C8orf34: variants seen among roughly 807,000 people sequenced by gnomAD.
C8orf34 encodes uncharacterized protein C8orf34.
C8orf34 carries 65 observed loss-of-function variants against 68.3 expected under a neutral mutation model. The ratio of observed to expected loss-of-function variants is 0.95; its 90% CI spans 0.78 to 1.17. The LOEUF is 1.17. Ranked by LOEUF, C8orf34 falls within the 50% of genes most tolerant of loss-of-function variation. C8orf34 has a pLI of 0.00. For synonymous variants in C8orf34, 244 were observed against 241.2 expected (o/e 1.01, Z -0.11); for missense variants, 664 against 655.4 (o/e 1.01, Z -0.14).
intron 8 of C8orf34, among the ~76,000 whole-genome samples, chr8:68,666,702 C>A (rs1221099834): frequency 6.6e-6 from 1 of 152,080 alleles, no homozygotes; most frequent in Non-Finnish European, 1.5e-5. Context: ...ATAAAATTTG[C>A]TTGCGTGTAT....
Position 68,387,487 on chromosome 8 carries a change from G to A in C8orf34, c.328-52012G>A, listed in dbSNP as rs143976949. ...AGGTATGGGCAAGGATGATCCTGAA[G>A]TTTCAAATATGGATTAAAAAGATAA... is the stretch of plus-strand genomic sequence containing the variant. On this transcript the variant is annotated intron_variant, in intron 1 of 13. Coordinates refer to ENST00000518698, the MANE Select transcript of C8orf34 (RefSeq NM_052958.4). Among the ~76,000 whole-genome samples the A allele has an allele frequency of 1.5e-3, 231 of 152,240 alleles. 1 individual carries two copies. The highest frequency in any genetic ancestry group is 5.3e-3 in the African/African-American group (220 of 41,540).
At chr8:68,709,799 CAA>C (rs1439988078) in intron 9 of C8orf34, among the ~76,000 whole-genome samples, 1 of 152,046 alleles carries the variant, frequency 6.6e-6, no homozygotes. Flanking sequence ...AGCAAACAAA[CAA>C]TATCAGAGCA....
At chr8:68,523,473 T>C (rs1257717436) in intron 6 of C8orf34, among the ~76,000 whole-genome samples, 4 of 152,186 alleles carry the variant, frequency 2.6e-5, no homozygotes, top group African/African-American at 9.6e-5. Flanking sequence ...ACTCAGTCCA[T>C]GAACCTGTCT....
chr8:68,405,327 GT>G (rs577563309), intron 1 of C8orf34, among the ~76,000 whole-genome samples: 66 of 152,050 alleles, frequency 4.3e-4, no homozygotes, highest in Non-Finnish European at 7.2e-4. Flanking sequence ...TAAGAGTTTG[GT>G]TTATTCTCAG....
intron 1 of C8orf34, among the ~76,000 whole-genome samples, chr8:68,347,604 C>T (rs1339877029): frequency 6.6e-6 from 1 of 152,100 alleles, no homozygotes; most frequent in Non-Finnish European, 1.5e-5. Context: ...CCCTTTTCTC[C>T]ACAACCTCAC....
In C8orf34 at chr8:68,345,756, TA is replaced by T. The variant is rs145697365; in HGVS notation, c.327+14418del. Among the ~76,000 whole-genome samples the T allele has an allele frequency of 7.9e-3, 1,202 of 152,088 alleles. 19 individuals carry two copies. Among genetic ancestry groups the T allele is most frequent in the African/African-American group, 0.027 (1,104 of 41,522 alleles). ...ATATACATATAAGTGGGTATATATA[TA>T]TTTTTTGTGTATTATATATATGTGT... On this transcript the variant is annotated intron_variant, in intron 1 of 13. Coordinates refer to ENST00000518698, the MANE Select transcript of C8orf34 (RefSeq NM_052958.4).
chr8:68,801,808 A>G (rs1171396767), intron 12 of C8orf34, among the ~76,000 whole-genome samples: 1 of 152,184 alleles, frequency 6.6e-6, no homozygotes, highest in Non-Finnish European at 1.5e-5. Context: ...ATAAGGAAAA[A>G]TAATAAATAG....
chr8:68,446,328 G>A lies in C8orf34; in HGVS notation c.476-1G>A. On this transcript the variant is annotated splice_acceptor_variant, in intron 2 of 13. Coordinates refer to ENST00000518698, the MANE Select transcript of C8orf34 (RefSeq NM_052958.4). LOFTEE classifies it high-confidence loss of function. ...ATTTTATATATATTTTGTTTTAACA[G>A]AATCCAAAGGAACAAGAAGGGATTT... is the stretch of plus-strand genomic sequence containing the variant. The A allele has an allele frequency of 2.5e-6, 4 of 1,583,380 alleles. No individual in the cohort carries two copies. The highest frequency in any genetic ancestry group is 3.4e-6 in the Non-Finnish European group (4 of 1,170,790).
intron 4 of C8orf34, among the ~76,000 whole-genome samples, chr8:68,482,950 G>T (rs1812923345): frequency 6.6e-6 from 1 of 150,864 alleles, no homozygotes; most frequent in Admixed American, 6.7e-5. Flanking sequence ...GAAAGAATTG[G>T]GGAGTCTAAT....
At chr8:68,443,758 T>A (rs1811010310) in intron 2 of C8orf34, among the ~76,000 whole-genome samples, 1 of 152,078 alleles carries the variant, frequency 6.6e-6, no homozygotes, top group Admixed American at 6.6e-5. Flanking sequence ...AGTACATGGG[T>A]ATCATACTTT....
intron 1 of C8orf34, among the ~76,000 whole-genome samples, chr8:68,398,660 C>T (rs1201189561): frequency 6.6e-6 from 1 of 152,042 alleles, no homozygotes; most frequent in African/African-American, 2.4e-5. Context: ...AACTTATACA[C>T]TAAAAAACTA....
intron 12 of C8orf34, among the ~76,000 whole-genome samples, chr8:68,794,506 T>TATATATAAATATATATATATATATATA (rs58048066): frequency 1.7e-5 from 1 of 59,046 alleles, no homozygotes; most frequent in African/African-American, 1.0e-4. Context: ...TATATATATA[T>TATATATAAATATATATATATATATATA]TTTTTTTTTT....
At chr8:68,557,903 T>C (rs1816301774) in intron 7 of C8orf34, among the ~76,000 whole-genome samples, 1 of 152,180 alleles carries the variant, frequency 6.6e-6, no homozygotes, top group Non-Finnish European at 1.5e-5. Flanking sequence ...CAGCCACAGT[T>C]ATTGGCAGTC....
chr8:68,712,420 C>G (rs1047184092), intron 9 of C8orf34, among the ~76,000 whole-genome samples: 1 of 152,118 alleles, frequency 6.6e-6, no homozygotes, highest in Admixed American at 6.6e-5. Context: ...AATTCACCAA[C>G]CAAGTTTCTG....
intron 1 of C8orf34, among the ~76,000 whole-genome samples, chr8:68,340,447 A>G (rs950077665): frequency 6.6e-6 from 1 of 152,146 alleles, no homozygotes; most frequent in African/African-American, 2.4e-5. Context: ...CTTTAGCAAG[A>G]CTGACAAAGG....
chr8:68,712,486 G>T (rs959742927), intron 9 of C8orf34, among the ~76,000 whole-genome samples: 3 of 152,072 alleles, frequency 2.0e-5, no homozygotes, highest in Non-Finnish European at 4.4e-5. Context: ...TAAGGTAAAG[G>T]GGTAGAAAAA....
At chr8:68,438,696 G>A (rs918807335) in intron 1 of C8orf34, 3 of 152,066 alleles carry the variant, frequency 2.0e-5, no homozygotes, top group Non-Finnish European at 4.4e-5. Flanking sequence ...TATCCACGTG[G>A]CTTGACAGCT....
intron 10 of C8orf34, among the ~76,000 whole-genome samples, chr8:68,740,445 C>A (rs1045413489): frequency 6.6e-6 from 1 of 151,948 alleles, no homozygotes; most frequent in Non-Finnish European, 1.5e-5. Flanking sequence ...AGACACTTTT[C>A]AAAAGAAGAC....
At chr8:68,578,642 C>CTATATATA (rs545258846) in intron 7 of C8orf34, among the ~76,000 whole-genome samples, 312 of 148,800 alleles carry the variant, frequency 2.1e-3, no homozygotes, top group African/African-American at 6.9e-3. Flanking sequence ...AGATTAAATA[C>CTATATATA]TATATATATA....
Sources: allele counts gnomAD v4.1 joint callset (sites outside exome capture counted in the v4.1 genomes callset), GRCh38; gene constraint gnomAD v4.1.1; transcripts MANE v1.5; gene names NCBI Gene and HGNC (gene_info 2026-07-23, HGNC 2026-07-21).